FAM83H: variants seen among roughly 807,000 people sequenced by gnomAD.
FAM83H encodes the protein scaffolding CK1 anchoring protein H.
A neutral mutation model predicts 30.2 loss-of-function variants in FAM83H; 24 were observed. That is an observed-to-expected ratio of 0.79 (90% CI 0.57 to 1.12). The LOEUF (loss-of-function observed/expected upper bound fraction) is 1.12, where lower values mean the gene tolerates loss of function less well. Ranked by LOEUF, FAM83H falls within the 50% of genes most tolerant of loss-of-function variation. The pLI is 0.00. For synonymous variants in FAM83H, 1,013 were observed against 821.7 expected, an observed-to-expected ratio of 1.23 and a Z score of -3.98; for missense variants, 2,038 against 1,773.9, an observed-to-expected ratio of 1.15 and a Z score of -2.67.
intron 4 of FAM83H, 112 bp from the exon 5 acceptor site, chr8:143,728,835 G>C (rs551939738): frequency 5.0e-6 from 8 of 1,594,250 alleles, no homozygotes; most frequent in Admixed American, 1.7e-5. Flanking sequence ...GCAAGGACCT[G>C]GGCCCGGCTA....
In FAM83H at chr8:143,726,147, A is replaced by C; in HGVS notation, c.3314T>G (p.Leu1105Arg). ...RSDSLGTQGRLSRTLPASAEE... is the reference protein window; with the variant it reads ...RSDSLGTQGRRSRTLPASAEE... ...CGCGCTGGCTGGCAGCGTGCGGCTC[A>C]GCCGGCCCTGGGTCCCCAAGCTGTC... The change falls in exon 5 of 5, where the codon CTG becomes CGG. Residue 1105 changes from leucine to arginine, a missense_variant. Physicochemically the swap from Leu to Arg is moderately radical, Grantham distance 102. Transcript: ENST00000388913. The C allele has an allele frequency of 6.2e-7, 1 of 1,611,682 alleles. No homozygotes were observed. The highest frequency in any genetic ancestry group is 1.3e-5 in the African/African-American group (1 of 75,024).
At position 143,726,050 on chromosome 8, in the gene FAM83H, C is replaced by T. The variant is rs782158269; in HGVS notation, c.3411G>A (p.Glu1137=). The T allele has an allele frequency of 8.1e-6, 13 of 1,612,410 alleles. 1 individual carries two copies. The highest frequency in any genetic ancestry group is 4.0e-5 in the African/African-American group (3 of 74,922). ...TGGCCTCCTCTTTCTTGCAGAAGACCTCGAAGCGGCTGTACACGCGCTTCT... is the reference window on the plus strand; with the variant it reads ...TGGCCTCCTCTTTCTTGCAGAAGACTTCGAAGCGGCTGTACACGCGCTTCT... ...RKEKRVYSRF[E]VFCKKEEASS... Residue 1137 remains glutamate (E), a synonymous_variant, in exon 5 of 5, where the codon GAG becomes GAA. Transcript: ENST00000388913.
At position 143,725,941 on chromosome 8, in the gene FAM83H, T is replaced by A. The variant is rs782204720; in HGVS notation, c.3520A>T (p.Thr1174Ser). The A allele has an allele frequency of 6.2e-7, 1 of 1,612,984 alleles. No homozygotes were observed. Among genetic ancestry groups the A allele is most frequent in the Non-Finnish European group, 8.5e-7 (1 of 1,179,950 alleles). Residue 1174 changes from threonine (T) to serine (S), a missense_variant, in exon 5 of 5, where the codon ACG (threonine) becomes TCG (serine). Coordinates refer to ENST00000388913, the MANE Select transcript of FAM83H (RefSeq NM_198488.5). ...VGKFVPKILGTFKSKK is the reference protein window; with the variant it reads ...VGKFVPKILGSFKSKK ...AAGACTCACTTCTTGCTTTTGAACGTGCCCAGGATCTTGGGCACGAACTTG... is the reference window on the plus strand; with the variant it reads ...AAGACTCACTTCTTGCTTTTGAACGAGCCCAGGATCTTGGGCACGAACTTG...
In FAM83H at chr8:143,726,392, C is replaced by T; in HGVS notation, c.3069G>A (p.Leu1023=). ...ATEERGPRAR[L]SSATANALYS... ...ACAAGGCGTTGGCCGTGGCTGAGGA[C>T]AGGCGCGCCCGCGGACCCCGCTCTT... The change falls in exon 5 of 5, where the codon CTG becomes CTA. Residue 1023 remains leucine, a synonymous_variant. Transcript: ENST00000388913. 1 of 1,608,460 alleles carries T rather than the reference C, an allele frequency of 6.2e-7. No individual in the cohort carries two copies. The highest frequency in any genetic ancestry group is 1.1e-5 in the South Asian group (1 of 90,536).
chr8:143,727,248 A>G lies in FAM83H; in HGVS notation c.2213T>C (p.Leu738Pro), dbSNP rs1554622438. ...ACGGGCTGGGCCCTTGTACTTCTCC[A>G]GCAGCTCCGCCACCTTGGTGGAAGC... ...SAASTKVAEL[L>P]EKYKGPARDP... The change falls in exon 5 of 5, where the codon CTG becomes CCG. Residue 738 changes from leucine (L) to proline (P), a missense_variant. Coordinates refer to ENST00000388913, the MANE Select transcript of FAM83H (RefSeq NM_198488.5). 1 of 1,534,980 alleles carries G rather than the reference A, an allele frequency of 6.5e-7. No homozygotes were observed. The highest frequency in any genetic ancestry group is 8.7e-7 in the Non-Finnish European group (1 of 1,146,310).
chr8:143,728,690 G>T lies in FAM83H; in HGVS notation c.771C>A (p.Ser257Arg). The T allele has an allele frequency of 6.2e-7, 1 of 1,601,222 alleles. No homozygotes were observed. The highest frequency in any genetic ancestry group is 8.5e-7 in the Non-Finnish European group (1 of 1,179,878). ...FMWSFEKIHR[S>R]LAHVFQGELV... ...GCTCTCCTTGGAACACGTGCGCCAGGCTGCGGTGGATCTTCTCAAAGGACC... is the reference window on the plus strand; with the variant it reads ...GCTCTCCTTGGAACACGTGCGCCAGTCTGCGGTGGATCTTCTCAAAGGACC... The change falls in exon 5 of 5, where the codon AGC (serine) becomes AGA (arginine). Residue 257 changes from serine to arginine, a missense_variant. Physicochemically the swap from Ser to Arg is moderately radical, Grantham distance 110 (BLOSUM62 -1). Coordinates refer to ENST00000388913, the MANE Select transcript of FAM83H (RefSeq NM_198488.5).
Position 143,726,298 on chromosome 8 carries a change from G to T in FAM83H, c.3163C>A (p.Arg1055Ser). The T allele has an allele frequency of 6.2e-7, 1 of 1,612,092 alleles. No individual in the cohort carries two copies. The highest frequency in any genetic ancestry group is 8.5e-7 in the Non-Finnish European group (1 of 1,179,698). Residue 1055 changes from arginine to serine, a missense_variant, in exon 5 of 5, where the codon CGT (arginine) becomes AGT (serine). Arg to Ser is a moderately radical substitution (Grantham distance 110). Coordinates refer to ENST00000388913, the MANE Select transcript of FAM83H (RefSeq NM_198488.5). ...CCGGGGCTCGGGGCAGGGACCGCAC[G>T]GTGCTTCTGGCCGTGGGCACTGATC... is the stretch of plus-strand genomic sequence containing the variant. ...EQISAHGQKH[R>S]AVPAPSPGPT...
Position 143,726,681 on chromosome 8 carries a change from A to G in FAM83H, c.2780T>C (p.Val927Ala). The G allele has an allele frequency of 1.3e-6, 2 of 1,597,462 alleles. No homozygotes were observed. Among genetic ancestry groups the G allele is most frequent in the Non-Finnish European group, 1.7e-6 (2 of 1,176,118 alleles). ...GCCCCTGCGCTCCGGCACGGGGGGC[A>G]CCGGACTGCTCCTGCGCTCCGGCAC... ...PPVPERRSSP[V>A]PPVPERRGSL... Residue 927 changes from valine to alanine, a missense_variant, in exon 5 of 5, where the codon GTG becomes GCG. Transcript: ENST00000388913.
At chr8:143,732,702 A>G (rs1302514041) in intron 1 of FAM83H, 14 of 985,238 alleles carry the variant, frequency 1.4e-5, no homozygotes, top group Non-Finnish European at 1.7e-5. Flanking sequence ...TTTCATGGGT[A>G]CGTGTCTCCT....
chr8:143,727,575 G>T lies in FAM83H; in HGVS notation c.1886C>A (p.Ala629Asp). Residue 629 changes from alanine (A) to aspartate (D), a missense_variant, in exon 5 of 5, where the codon GCC (alanine) becomes GAC (aspartate). Physicochemically the swap from Ala to Asp is moderately radical, Grantham distance 126. Coordinates refer to ENST00000388913, the MANE Select transcript of FAM83H (RefSeq NM_198488.5). Reference sequence around the variant, plus strand: ...GGGGAAGGCTGCTGGGACGCGGAAGGCCGAGGGGAGCAGGTCGCCGGCAGG... The same window carrying T: ...GGGGAAGGCTGCTGGGACGCGGAAGTCCGAGGGGAGCAGGTCGCCGGCAGG... ...RAPAGDLLPS[A>D]FRVPAAFPTK... 4 of 1,586,606 alleles carry T rather than the reference G, an allele frequency of 2.5e-6. No individual in the cohort carries two copies. In the Middle Eastern group the frequency reaches 5.7e-4, roughly 225 times the overall value.
rs782129198 is a variant in FAM83H at position 143,726,452 on chromosome 8, T to G, written c.3009A>C (p.Ser1003=). ...NGQPESPRRL[S]LGQGDSTEAA... is the part of the protein sequence containing the mutation. ...CCTCCGTGCTGTCACCCTGGCCCAG[T>G]GACAGACGCCGCGGGCTCTCGGGTT... The change falls in exon 5 of 5, where the codon TCA becomes TCC. Residue 1003 remains serine, a synonymous_variant. Coordinates refer to ENST00000388913, the MANE Select transcript of FAM83H (RefSeq NM_198488.5). 1.7e-5 allele frequency: 27 copies of G among 1,602,726 alleles called. No homozygotes were observed. In the South Asian group the frequency reaches 3.0e-4, roughly 18 times the overall value.
chr8:143,730,453 T>C lies in FAM83H; in HGVS notation c.130A>G (p.Ser44Gly), dbSNP rs369265164. The C allele has an allele frequency of 1.2e-5, 19 of 1,611,876 alleles. No homozygotes were observed. Among genetic ancestry groups the C allele is most frequent in the Non-Finnish European group, 1.6e-5 (19 of 1,179,888 alleles). Reference protein sequence around the residue: ...ALAEGGSEAYSRFLATEGAPD... With the variant: ...ALAEGGSEAYGRFLATEGAPD... Reference sequence around the variant, plus strand: ...GCCCCCTCGGTAGCGAGGAAGCGGCTGTAGGCCTCCGAGCCACCCTCGGCC... The same window carrying C: ...GCCCCCTCGGTAGCGAGGAAGCGGCCGTAGGCCTCCGAGCCACCCTCGGCC... Residue 44 changes from serine to glycine, a missense_variant, in exon 2 of 5, where the codon AGC becomes GGC. Coordinates refer to ENST00000388913, the MANE Select transcript of FAM83H (RefSeq NM_198488.5).
At position 143,728,397 on chromosome 8, in the gene FAM83H, C is replaced by T; in HGVS notation, c.1064G>A (p.Arg355His). 1 of 1,546,940 alleles carries T rather than the reference C, an allele frequency of 6.5e-7. No homozygotes were observed. The highest frequency in any genetic ancestry group is 1.4e-5 in the African/African-American group (1 of 72,998). ...CGGCATCCGCGGCGGCTCCTCCCGG[C>T]GGAAGGCCGACAGGAAGTGGCGGTC... is the stretch of plus-strand genomic sequence containing the variant. Reference protein sequence around the residue: ...DPDRHFLSAFRREEPPRMPGG... With the variant: ...DPDRHFLSAFHREEPPRMPGG... The change falls in exon 5 of 5, where the codon CGC (arginine) becomes CAC (histidine). Residue 355 changes from arginine (R) to histidine (H), a missense_variant. By Grantham distance (29) the Arg-to-His change is conservative (BLOSUM62 0). Coordinates refer to ENST00000388913, the MANE Select transcript of FAM83H (RefSeq NM_198488.5).
chr8:143,729,701 G>A (rs1287607947), intron 2 of FAM83H, among the ~76,000 whole-genome samples: 2 of 152,240 alleles, frequency 1.3e-5, no homozygotes, highest in Non-Finnish European at 2.9e-5. Context: ...GGACGGGGTT[G>A]TTGCCCTGGG....
Position 143,731,785 on chromosome 8 carries a change from C to T in FAM83H, c.-15-1188G>A, listed in dbSNP as rs1048045898. 5.1e-6 allele frequency: 5 copies of T among 985,348 alleles called. No individual in the cohort carries two copies. The African/African-American group carries it at 8.7e-5, about 17-fold the overall frequency. The allele number at this position is 985,348 out of a possible 1,614,324, so 61.0% of individuals were successfully genotyped here. On this transcript the variant is annotated intron_variant, in intron 1 of 4. Transcript: ENST00000388913. ...TTCCAGGTCCTGGGCTCGCCACCAC[C>T]ATCCATGCTTGGCTGCCCCACAGCC...
rs782154248 is a variant in FAM83H at position 143,727,206 on chromosome 8, G to C, written c.2255C>G (p.Ala752Gly). 2.5e-4 allele frequency: 379 copies of C among 1,533,254 alleles called. 4 individuals are homozygous for C. Among genetic ancestry groups the C allele is most frequent in the Admixed American group, 7.9e-4 (40 of 50,838 alleles). 95.0% of individuals were successfully genotyped at this position (1,533,254 alleles called of 1,614,324 possible). A position where few individuals can be genotyped will look rare whatever the true frequency, so the allele number is the denominator to read the frequency against. ...KGPARDPGGG[A>G]GAITVASHSK... ...GTGGCTGGCAACGGTGATGGCGCCCGCGCCGCCGCCGGGATCACGGGCTGG... is the reference window on the plus strand; with the variant it reads ...GTGGCTGGCAACGGTGATGGCGCCCCCGCCGCCGCCGGGATCACGGGCTGG... The change falls in exon 5 of 5, where the codon GCG (alanine) becomes GGG (glycine). Residue 752 changes from alanine (A) to glycine (G), a missense_variant. Physicochemically the swap from Ala to Gly is moderately conservative, Grantham distance 60. Transcript: ENST00000388913.
chr8:143,730,268 A>G lies in FAM83H; in HGVS notation c.315T>C (p.Pro105=). ...TCAGAGGCCAGCCCAAATCAAGCTC[A>G]GGCACGGCCTGGTCTGAGTTCACTG... is the stretch of plus-strand genomic sequence containing the variant. ...YWPVNSDQAV[P]ELDLGWPLTF... The change falls in exon 2 of 5, where the codon CCT becomes CCC. Residue 105 remains proline (P), a synonymous_variant. Transcript: ENST00000388913. 6.2e-7 allele frequency: 1 copy of G among 1,613,516 alleles called. No homozygotes were observed. Among genetic ancestry groups the G allele is most frequent in the Non-Finnish European group, 8.5e-7 (1 of 1,179,990 alleles).
rs782762744 is a variant in FAM83H, at chr8:143,729,329, G to A, written c.448-6C>T. The A allele has an allele frequency of 6.2e-7, 1 of 1,612,870 alleles. No individual in the cohort carries two copies. The highest frequency in any genetic ancestry group is 1.1e-5 in the South Asian group (1 of 91,086). On this transcript the variant is annotated splice_polypyrimidine_tract_variant and splice_region_variant and intron_variant, in intron 2 of 4. Transcript: ENST00000388913. ...TCCATCACCACGGCCACCACCTGCA[G>A]GGGCGGGTCAGGACGGAGAGGAGAG...
In FAM83H at chr8:143,730,412, G is replaced by A. The variant is rs782358847; in HGVS notation, c.171C>T (p.Cys57=). ...LATEGAPDFL[C]PEELEHVSRH... Reference sequence around the variant, plus strand: ...GGCTCACATGTTCCAGCTCTTCAGGGCACAGGAAGTCTGGTGCCCCCTCGG... The same window carrying A: ...GGCTCACATGTTCCAGCTCTTCAGGACACAGGAAGTCTGGTGCCCCCTCGG... The change falls in exon 2 of 5, where the codon TGC becomes TGT. Residue 57 remains cysteine, a synonymous_variant. Coordinates refer to ENST00000388913, the MANE Select transcript of FAM83H (RefSeq NM_198488.5). The A allele has an allele frequency of 4.3e-6, 7 of 1,612,932 alleles. No individual in the cohort carries two copies. In the Admixed American group the frequency reaches 8.3e-5, roughly 19 times the overall value.
Sources: gnomAD v4.1 joint callset for allele counts (sites outside exome capture counted in the v4.1 genomes callset) on GRCh38, gnomAD v4.1.1 for gene constraint, MANE v1.5 for transcripts, NCBI Gene and HGNC (gene_info 2026-07-23, HGNC 2026-07-21) for gene names.